Variants in ITGAM observed in about 807,000 individuals in gnomAD.
The protein encoded by ITGAM is integrin alpha-M.
ITGAM carries 79 observed loss-of-function variants against 137.5 expected under a neutral mutation model. That is an observed-to-expected ratio of 0.57 (90% CI 0.48 to 0.69). The LOEUF (loss-of-function observed/expected upper bound fraction) is 0.69, where lower values mean the gene tolerates loss of function less well. Among genes scored for constraint, ITGAM ranks in the 30% least tolerant of loss-of-function variants. The pLI, the probability that ITGAM is intolerant of heterozygous loss-of-function variation, is 0.00. For synonymous variants in ITGAM, 583 were observed against 592.3 expected (o/e 0.98, Z 0.23); for missense variants, 1,343 against 1,483.5 (o/e 0.91, Z 1.56).
At chr16:31,330,744 G>T (rs768119073) in intron 28 of ITGAM, 139 bp downstream of exon 28, 1 of 647,172 alleles carries the variant, frequency 1.5e-6, no homozygotes, top group Admixed American at 2.9e-5. Context: ...ATACAGAGAC[G>T]TAAGGAGAGA....
chr16:31,302,408 T>TCTTTCTTC (rs1567267833), intron 14 of ITGAM, among the ~76,000 whole-genome samples: 5,716 of 129,082 alleles, frequency 0.044, 225 homozygotes, highest in Non-Finnish European at 0.058. Context: ...TTCTTTTCTT[T>TCTTTCTTC]TTTCTTTCTT....
rs1176733281 is a variant in ITGAM at position 31,329,881 on chromosome 16, C to T, written c.2952C>T (p.Asp984=). The change falls in exon 25 of 30, where the codon GAC becomes GAT. Residue 984 remains aspartate (D), a synonymous_variant. Transcript: ENST00000544665. The stretch of plus-strand genomic sequence containing the variant: ...GGCTGAACCAGACTGTCATATGGGA[C>T]CGCCCCCAGGTCACCTTCTCCGAGG... ...PVRLNQTVIW[D]RPQVTFSENL... The T allele has an allele frequency of 6.4e-7, 1 of 1,562,722 alleles. No individual in the cohort carries two copies. The highest frequency in any genetic ancestry group is 8.7e-7 in the Non-Finnish European group (1 of 1,153,526).
At chr16:31,330,982 T>G (rs1192927749) in intron 28 of ITGAM, among the ~76,000 whole-genome samples, 183 bp from the exon 29 acceptor site, 14 of 135,026 alleles carry the variant, frequency 1.0e-4, no homozygotes, top group Admixed American at 3.2e-4. Context: ...TAGAGAGAGA[T>G]AGAGGACAGA....
chr16:31,325,329 T>C lies in ITGAM; in HGVS notation c.2430T>C (p.Gly810=), dbSNP rs200472795. 121 of 1,613,910 alleles carry C rather than the reference T, an allele frequency of 7.5e-5. No homozygotes were observed. The African/African-American group carries it at 1.2e-3, about 17-fold the overall frequency. ...TGACAGTGACTGTGAGAAATGATGG[T>C]GAGGACTCCTACAGGACACAGGTCA... The part of the protein sequence containing the change: ...FNVTVTVRND[G]EDSYRTQVTF... The change falls in exon 20 of 30, where the codon GGT becomes GGC. Residue 810 remains glycine, a synonymous_variant. Transcript: ENST00000544665.
intron 23 of ITGAM, 154 bp from the exon 24 acceptor site, chr16:31,329,074 C>CG: frequency 1.2e-5 from 3 of 249,262 alleles, no homozygotes; most frequent in East Asian, 1.4e-4. Context: ...CACATTGGTT[C>CG]CCCCATCCCC....
intron 2 of ITGAM, 42 bp downstream of exon 2, chr16:31,261,839 T>G: frequency 7.7e-7 from 1 of 1,296,250 alleles, no homozygotes; most frequent in Non-Finnish European, 1.1e-6. Context: ...GTGCTTTCTC[T>G]CCAAGACTTA....
At chr16:31,272,728 C>G (rs903358420) in intron 7 of ITGAM, among the ~76,000 whole-genome samples, 1 of 151,100 alleles carries the variant, frequency 6.6e-6, no homozygotes, top group African/African-American at 2.4e-5. Flanking sequence ...AGGTGATTCA[C>G]CTGACTTGGC....
rs1484090906 is a variant in ITGAM, at chr16:31,331,693, G to A, written c.3445G>A (p.Ala1149Thr). ...DMMSEGGPPG[A>T]EPQ ...GATGAGTGAAGGGGGTCCCCCGGGG[G>A]CCGAACCCCAGTAGCGGCTCCTTCC... The change falls in exon 30 of 30, where the codon GCC (alanine) becomes ACC (threonine). Residue 1149 changes from alanine (A) to threonine (T), a missense_variant. By Grantham distance (58) the Ala-to-Thr change is moderately conservative. Coordinates refer to ENST00000544665, the MANE Select transcript of ITGAM (RefSeq NM_000632.4). 1.9e-6 allele frequency: 3 copies of A among 1,606,910 alleles called. No homozygotes were observed.
chr16:31,267,895 C>T (rs2079787522), intron 5 of ITGAM, among the ~76,000 whole-genome samples: 1 of 152,156 alleles, frequency 6.6e-6, no homozygotes. Flanking sequence ...CTTCCCACCT[C>T]AGCCTCCCAC....
intron 12 of ITGAM, among the ~76,000 whole-genome samples, chr16:31,285,380 T>A (rs1282032975): frequency 6.6e-6 from 1 of 151,970 alleles, no homozygotes; most frequent in Non-Finnish European, 1.5e-5. Context: ...TACCAGCACT[T>A]TGGAAGGCTG....
Position 31,332,561 on chromosome 16 carries a change from TCAGA to T in ITGAM, c.*859_*862del, listed in dbSNP as rs1364367116. 3 of 152,182 alleles carry T rather than the reference TCAGA, an allele frequency of 2.0e-5. No individual in the cohort carries two copies. The highest frequency in any genetic ancestry group is 2.9e-5 in the Non-Finnish European group (2 of 68,034). The allele number at this position is 152,182 out of a possible 1,614,324, so 9.4% of individuals were successfully genotyped here. On this transcript the variant is annotated 3_prime_UTR_variant, in exon 30 of 30. Coordinates refer to ENST00000544665, the MANE Select transcript of ITGAM (RefSeq NM_000632.4). Reference sequence around the variant, plus strand: ...TCAAGATTGTGTTTTGAGGTTTCCTTCAGACAGATTCCAGGCGATGTGCAAGTGT... The same window carrying T: ...TCAAGATTGTGTTTTGAGGTTTCCTTCAGATTCCAGGCGATGTGCAAGTGT...
At chr16:31,265,355 C>A in intron 2 of ITGAM, 40 bp from the exon 3 acceptor site, 1 of 1,223,732 alleles carries the variant, frequency 8.2e-7, no homozygotes, top group Non-Finnish European at 1.1e-6. Context: ...CTTCTCTCCC[C>A]ACATGTCGAA....
At position 31,329,894 on chromosome 16, in the gene ITGAM, A is replaced by T. The variant is rs1331544673; in HGVS notation, c.2965A>T (p.Thr989Ser). The change falls in exon 25 of 30, where the codon ACC (threonine) becomes TCC (serine). Residue 989 changes from threonine to serine, a missense_variant. By Grantham distance (58) the Thr-to-Ser change is moderately conservative. Coordinates refer to ENST00000544665, the MANE Select transcript of ITGAM (RefSeq NM_000632.4). Reference protein sequence around the residue: ...QTVIWDRPQVTFSENLSSTCH... With the variant: ...QTVIWDRPQVSFSENLSSTCH... Reference sequence around the variant, plus strand: ...TGTCATATGGGACCGCCCCCAGGTCACCTTCTCCGAGGTGAGCGGAGCTCG... The same window carrying T: ...TGTCATATGGGACCGCCCCCAGGTCTCCTTCTCCGAGGTGAGCGGAGCTCG... 1 of 1,560,422 alleles carries T rather than the reference A, an allele frequency of 6.4e-7. No homozygotes were observed. Among genetic ancestry groups the T allele is most frequent in the Non-Finnish European group, 8.7e-7 (1 of 1,152,198 alleles).
intron 23 of ITGAM, chr16:31,328,904 G>A: frequency 2.1e-6 from 1 of 472,992 alleles, no homozygotes; most frequent in East Asian, 4.1e-5. Context: ...TCGTGCATGT[G>A]TGTGTGTCTG....
intron 2 of ITGAM, among the ~76,000 whole-genome samples, chr16:31,263,875 G>A (rs916479912): frequency 2.7e-4 from 40 of 149,612 alleles, no homozygotes; most frequent in African/African-American, 5.4e-4. Context: ...TCGCTTTGTC[G>A]TCCAGGCTGG....
Position 31,271,915 on chromosome 16 carries a change from T to C in ITGAM, c.627T>C (p.Pro209=). The change falls in exon 7 of 30, where the codon CCT becomes CCC. Residue 209 remains proline (P), a synonymous_variant. Transcript: ENST00000544665. ...CCTTCAAAGAGTTCCAGAACAACCC[T>C]AACCCAAGATCACTGGTGAAGCCAA... is the stretch of plus-strand genomic sequence containing the variant. The part of the protein sequence containing the change: ...HFTFKEFQNN[P]NPRSLVKPIT... 1 of 1,613,982 alleles carries C rather than the reference T, an allele frequency of 6.2e-7. No homozygotes were observed. The highest frequency in any genetic ancestry group is 8.5e-7 in the Non-Finnish European group (1 of 1,179,878).
rs1471290627 is a variant in ITGAM at position 31,332,006 on chromosome 16, T to A, written c.*299T>A. On this transcript the variant is annotated 3_prime_UTR_variant, in exon 30 of 30. Transcript: ENST00000544665. Reference sequence around the variant, plus strand: ...GTCCATGTGTGTGCAAGTGTGTGCATGTGTGCGAGTGTGTGCATGTGTGTG... The same window carrying A: ...GTCCATGTGTGTGCAAGTGTGTGCAAGTGTGCGAGTGTGTGCATGTGTGTG... 3 of 423,610 alleles carry A rather than the reference T, an allele frequency of 7.1e-6. No homozygotes were observed. The highest frequency in any genetic ancestry group is 6.3e-5 in the African/African-American group (3 of 48,000). 26.2% of individuals were successfully genotyped at this position (423,610 alleles called of 1,614,324 possible).
chr16:31,288,956 A>G (rs557833461), intron 12 of ITGAM, among the ~76,000 whole-genome samples: 14 of 152,378 alleles, frequency 9.2e-5, no homozygotes, highest in Non-Finnish European at 1.6e-4. Flanking sequence ...ATATTAACAG[A>G]CATTTCTCAA....
intron 12 of ITGAM, among the ~76,000 whole-genome samples, chr16:31,279,156 G>T (rs2079941813): frequency 6.6e-6 from 1 of 152,176 alleles, no homozygotes; most frequent in Non-Finnish European, 1.5e-5. Context: ...ATTTGGGTTG[G>T]TTCCAAGTCT....
Sources: gnomAD v4.1 joint callset for allele counts (sites outside exome capture counted in the v4.1 genomes callset) on GRCh38, gnomAD v4.1.1 for gene constraint, MANE v1.5 for transcripts, NCBI Gene and HGNC (gene_info 2026-07-23, HGNC 2026-07-21) for gene names.